Variants in TEX2 observed in about 807,000 individuals in gnomAD.
TEX2 encodes the protein testis expressed 2.
A neutral mutation model predicts 106.9 loss-of-function variants in TEX2; 53 were observed. The observed-to-expected ratio is 0.50, with a 90% CI of 0.40 to 0.62. TEX2 has a LOEUF of 0.62. Among genes scored for constraint, TEX2 ranks in the 20% least tolerant of loss-of-function variants. The pLI is 0.00. For synonymous variants in TEX2, 523 were observed against 534.8 expected (o/e 0.98, Z 0.30); for missense variants, 1,207 against 1,379.0 (o/e 0.88, Z 1.98).
At chr17:64,261,373 T>A (rs2034284509) in intron 1 of TEX2, among the ~76,000 whole-genome samples, 1 of 152,212 alleles carries the variant, frequency 6.6e-6, no homozygotes, top group Non-Finnish European at 1.5e-5. Context: ...AAAAGCCTAA[T>A]CTTTCCTGCT....
chr17:64,182,033 T>C (rs761518749), intron 5 of TEX2, among the ~76,000 whole-genome samples: 2 of 152,090 alleles, frequency 1.3e-5, no homozygotes, highest in South Asian at 4.2e-4. Flanking sequence ...TACACTGATG[T>C]TCAGAGCAGC....
chr17:64,148,089 C>T lies in TEX2; in HGVS notation c.*880G>A, dbSNP rs972410410. Reference sequence around the variant, plus strand: ...AGGGAAATCTGCCCATGGAACTCTCCCAATCAGATTAACAAACTGTTTCGA... The same window carrying T: ...AGGGAAATCTGCCCATGGAACTCTCTCAATCAGATTAACAAACTGTTTCGA... On this transcript the variant is annotated 3_prime_UTR_variant, in exon 12 of 12. Transcript: ENST00000584379. The T allele has an allele frequency of 6.6e-6, 1 of 152,426 alleles. No individual in the cohort carries two copies. Among genetic ancestry groups the T allele is most frequent in the Non-Finnish European group, 1.5e-5 (1 of 68,030 alleles). 9.4% of individuals were successfully genotyped at this position (152,426 alleles called of 1,614,324 possible). A position where few individuals can be genotyped will look rare whatever the true frequency, so the allele number is the denominator to read the frequency against.
intron 1 of TEX2, among the ~76,000 whole-genome samples, chr17:64,229,451 G>A (rs2033602583): frequency 6.6e-6 from 1 of 151,192 alleles, no homozygotes; most frequent in Non-Finnish European, 1.5e-5. Flanking sequence ...TATTGTATGT[G>A]TTCCAAATAT....
At chr17:64,252,241 T>C (rs2034106755) in intron 1 of TEX2, among the ~76,000 whole-genome samples, 2 of 152,282 alleles carry the variant, frequency 1.3e-5, no homozygotes, top group East Asian at 1.9e-4. Flanking sequence ...ACAGTTTTCA[T>C]GATAGATCCC....
chr17:64,225,905 A>G (rs782492807), intron 1 of TEX2, among the ~76,000 whole-genome samples: 2 of 151,962 alleles, frequency 1.3e-5, no homozygotes, highest in Non-Finnish European at 2.9e-5. Context: ...TTTAGTAGAA[A>G]CAGAAATTCG....
chr17:64,201,299 C>T (rs922352895), intron 2 of TEX2, among the ~76,000 whole-genome samples: 1 of 152,106 alleles, frequency 6.6e-6, no homozygotes, highest in African/African-American at 2.4e-5. Flanking sequence ...CCTCCCTGGC[C>T]CCTACACCTC....
At chr17:64,256,384 G>A (rs2034184784) in intron 1 of TEX2, among the ~76,000 whole-genome samples, 1 of 152,174 alleles carries the variant, frequency 6.6e-6, no homozygotes, top group Non-Finnish European at 1.5e-5. Context: ...TGGTTCCCAA[G>A]CTTCTGCTCT....
intron 1 of TEX2, among the ~76,000 whole-genome samples, chr17:64,215,505 C>T (rs1040168572): frequency 6.6e-6 from 1 of 152,070 alleles, no homozygotes; most frequent in Non-Finnish European, 1.5e-5. Context: ...CAGTGGGAGG[C>T]CATTGAGACA....
Position 64,189,748 on chromosome 17 carries a change from G to A in TEX2, c.2177-1333C>T, listed in dbSNP as rs1012985113. ...TATAATCTCGGCACTTTGGGAGGCC[G>A]AGACAGATGAATCACTTCAGGTCAG... On this transcript the variant is annotated intron_variant, in intron 4 of 11. Transcript: ENST00000584379. Among the ~76,000 whole-genome samples the A allele has an allele frequency of 5.9e-5, 9 of 152,098 alleles. 1 individual carries two copies. The highest frequency in any genetic ancestry group is 2.0e-4 in the Admixed American group (3 of 15,268).
At chr17:64,163,510 T>C (rs923555252) in intron 7 of TEX2, among the ~76,000 whole-genome samples, 1 of 152,158 alleles carries the variant, frequency 6.6e-6, no homozygotes, top group Non-Finnish European at 1.5e-5. Context: ...GACTCTAATA[T>C]GATGTGCTTG....
intron 10 of TEX2, 100 bp downstream of exon 10, chr17:64,152,845 G>A (rs1172524660): frequency 3.4e-5 from 42 of 1,221,346 alleles, no homozygotes; most frequent in Non-Finnish European, 4.8e-5. Flanking sequence ...TTCTGCCCGG[G>A]AGAAGGTACT....
intron 2 of TEX2, among the ~76,000 whole-genome samples, chr17:64,210,634 C>CTTT (rs58313195): frequency 4.1e-4 from 31 of 74,748 alleles, no homozygotes; most frequent in African/African-American, 1.3e-3. Flanking sequence ...CAACCCCCAG[C>CTTT]TTTTTTTTTT....
chr17:64,174,278 G>A (rs2031532992), intron 6 of TEX2, among the ~76,000 whole-genome samples: 1 of 152,164 alleles, frequency 6.6e-6, no homozygotes. Context: ...TCTAGTCCCT[G>A]CAAAGGCAAA....
intron 1 of TEX2, among the ~76,000 whole-genome samples, chr17:64,245,995 G>A (rs10512501): frequency 0.073 from 11,190 of 152,272 alleles, 515 homozygotes; most frequent in Non-Finnish European, 0.11. Flanking sequence ...TTCTTAAGCA[G>A]AGTCTCCCAG....
At position 64,210,634 on chromosome 17, in the gene TEX2, C is replaced by CTTTT. The variant is rs58313195; in HGVS notation, c.1644+1936_1644+1939dup. On this transcript the variant is annotated intron_variant, in intron 2 of 11. Transcript: ENST00000584379. ...TAAAAGAATTCTCCCCAACCCCCAGCTTTTTTTTTTTTTTTTTTTTTTTTT... is the reference window on the plus strand; with the variant it reads ...TAAAAGAATTCTCCCCAACCCCCAGCTTTTTTTTTTTTTTTTTTTTTTTTTTTTT... 2.1e-4 allele frequency among the ~76,000 whole-genome samples: 16 copies of CTTTT among 74,752 alleles called. 1 individual carries two copies. Among genetic ancestry groups the CTTTT allele is most frequent in the South Asian group, 1.0e-3 (2 of 1,912 alleles). The allele number at this position is 74,752 out of a possible 152,430, so 49.0% of individuals were successfully genotyped here.
intron 8 of TEX2, chr17:64,155,241 C>T (rs766692772): frequency 2.1e-5 from 7 of 331,576 alleles, no homozygotes; most frequent in East Asian, 9.4e-5. Context: ...TTTGAGCATG[C>T]GTCAGAAGGA....
chr17:64,150,725 G>A (rs1567903049), intron 11 of TEX2, 116 bp downstream of exon 11: 11 of 1,126,954 alleles, frequency 9.8e-6, no homozygotes, highest in Non-Finnish European at 1.4e-5. Flanking sequence ...CTTCCGGGAT[G>A]AAGGTCACCA....
chr17:64,162,153 T>C (rs538185708), intron 7 of TEX2, among the ~76,000 whole-genome samples: 1 of 152,370 alleles, frequency 6.6e-6, no homozygotes, highest in South Asian at 2.1e-4. Flanking sequence ...GTGATTATCT[T>C]CTTTGCAGCA....
intron 1 of TEX2, among the ~76,000 whole-genome samples, chr17:64,215,732 C>A (rs2033166660): frequency 6.6e-6 from 1 of 152,170 alleles, no homozygotes. Flanking sequence ...TGTATCCAAC[C>A]CAACACAATA....
Sources: allele counts gnomAD v4.1 joint callset (sites outside exome capture counted in the v4.1 genomes callset), GRCh38; gene constraint gnomAD v4.1.1; transcripts MANE v1.5; gene names NCBI Gene and HGNC (gene_info 2026-07-23, HGNC 2026-07-21).